The following SH3BP2 variants were observed in gnomAD, a reference collection of about 807,000 sequenced individuals.
The protein encoded by SH3BP2 is SH3 domain binding protein 2.
Under a neutral mutation model 56.2 loss-of-function variants are expected in SH3BP2, and 38 were observed. That is an observed-to-expected ratio of 0.68 (90% CI 0.52 to 0.89). The LOEUF is 0.89. Among genes scored for constraint, SH3BP2 ranks in the 40% least tolerant of loss-of-function variants. SH3BP2 has a pLI of 0.00. For synonymous variants in SH3BP2, 346 were observed against 316.7 expected (o/e 1.09, Z -0.98); for missense variants, 748 against 762.6 (o/e 0.98, Z 0.23).
Position 2,835,544 on chromosome 4 carries a change from C to T in SH3BP2, c.*1710C>T, listed in dbSNP as rs1036309114. On this transcript the variant is annotated 3_prime_UTR_variant, in exon 13 of 13. Transcript: ENST00000503393. ...TCCTCCCTGCAGTCAGAATTCTTTGCCCTGTCTGACCTGAACTTGCTTAGG... is the reference window on the plus strand; with the variant it reads ...TCCTCCCTGCAGTCAGAATTCTTTGTCCTGTCTGACCTGAACTTGCTTAGG... 2.0e-5 allele frequency: 3 copies of T among 152,240 alleles called. No individual in the cohort carries two copies. Among genetic ancestry groups the T allele is most frequent in the African/African-American group, 7.2e-5 (3 of 41,436 alleles). 9.4% of individuals were successfully genotyped at this position (152,240 alleles called of 1,614,324 possible). A position where few individuals can be genotyped will look rare whatever the true frequency, so the allele number is the denominator to read the frequency against.
At chr4:2,826,342 G>T (rs1173283363) in intron 5 of SH3BP2, 3 of 147,182 alleles carry the variant, frequency 2.0e-5, no homozygotes, top group Non-Finnish European at 4.0e-5. Flanking sequence ...GTGTTTGTGT[G>T]TGCATGTCTG....
intron 1 of SH3BP2, among the ~76,000 whole-genome samples, chr4:2,806,617 T>TCCAGCCCCACCTCACCCTCA (rs1338605277): frequency 5.3e-5 from 8 of 151,536 alleles, no homozygotes; most frequent in African/African-American, 1.9e-4. Flanking sequence ...CCTCACCGTC[T>TCCAGCCCCACCTCACCCTCA]CCAGCCCCAC....
At chr4:2,819,285 T>C (rs1419877698) in intron 1 of SH3BP2, among the ~76,000 whole-genome samples, 2 of 152,154 alleles carry the variant, frequency 1.3e-5, no homozygotes, top group African/African-American at 4.8e-5. Flanking sequence ...AGTGGTACGA[T>C]CATAGACCAC....
intron 1 of SH3BP2, among the ~76,000 whole-genome samples, chr4:2,808,556 CG>C (rs1019960227): frequency 2.0e-5 from 3 of 152,014 alleles, no homozygotes; most frequent in Non-Finnish European, 4.4e-5. Flanking sequence ...GTGCCCAGTC[CG>C]AGTTCCCGGG....
chr4:2,814,366 C>G (rs1001205770), intron 1 of SH3BP2, among the ~76,000 whole-genome samples: 4 of 152,298 alleles, frequency 2.6e-5, no homozygotes, highest in African/African-American at 9.6e-5. Flanking sequence ...TGCTCTGCCC[C>G]CCACCGCAGC....
At position 2,810,004 on chromosome 4, in the gene SH3BP2, C is replaced by T. The variant is rs1261920664; in HGVS notation, c.-4-10610C>T. 2.0e-5 allele frequency among the ~76,000 whole-genome samples: 3 copies of T among 152,220 alleles called. No homozygotes were observed. The highest frequency in any genetic ancestry group is 2.1e-4 in the South Asian group (1 of 4,834). The stretch of plus-strand genomic sequence containing the variant: ...CACACACCCCCTGCTTGGATGCAGG[C>T]GTGGGGTCATCTCCATGGTTACCGG... On this transcript the variant is annotated intron_variant, in intron 1 of 12. Transcript: ENST00000503393. The surrounding 1 kb of genome is among the most constrained non-coding windows in gnomAD (Gnocchi z 4.2).
In SH3BP2 at chr4:2,834,056, G is replaced by A. The variant is rs1279694977; in HGVS notation, c.*222G>A. 1 of 586,672 alleles carries A rather than the reference G, an allele frequency of 1.7e-6. No homozygotes were observed. 36.3% of individuals were successfully genotyped at this position (586,672 alleles called of 1,614,324 possible). ...CTCCAGAGGACGAAGGGACTCTGTT[G>A]CCCCACACTAACTTGCCCTGTCCCA... On this transcript the variant is annotated 3_prime_UTR_variant, in exon 13 of 13. Coordinates refer to ENST00000503393, the MANE Select transcript of SH3BP2 (RefSeq NM_001122681.2).
chr4:2,829,955 C>T lies in SH3BP2; in HGVS notation c.1049C>T (p.Pro350Leu), dbSNP rs762177276. Residue 350 changes from proline (P) to leucine (L), a missense_variant, in exon 8 of 13, where the codon CCA (proline) becomes CTA (leucine). Physicochemically the swap from Pro to Leu is moderately conservative, Grantham distance 98. Around this residue, in one of 3 missense-constraint regions of SH3BP2, gnomAD observed 635 missense variants for 615.0 expected, o/e 1.03. Coordinates refer to ENST00000503393, the MANE Select transcript of SH3BP2 (RefSeq NM_001122681.2). This position sits in a 1 kb window ranked among gnomAD's most constrained non-coding sequence, Gnocchi z 4.9. ...CGAGGACCACCCACATCTGAGCCCCCACCTGTGCCAGCCAACAAGCCCAAG... is the reference window on the plus strand; with the variant it reads ...CGAGGACCACCCACATCTGAGCCCCTACCTGTGCCAGCCAACAAGCCCAAG... ...SPRGPPTSEPPPVPANKPKFL... is the reference protein window; with the variant it reads ...SPRGPPTSEPLPVPANKPKFL... 6.2e-7 allele frequency: 1 copy of T among 1,613,564 alleles called. No individual in the cohort carries two copies. The highest frequency in any genetic ancestry group is 1.1e-5 in the South Asian group (1 of 91,082).
rs762813969 is a variant in SH3BP2, at chr4:2,829,920, C to T, written c.1014C>T (p.His338=). Residue 338 remains histidine, a synonymous_variant, in exon 8 of 13, where the codon CAC becomes CAT. Coordinates refer to ENST00000503393, the MANE Select transcript of SH3BP2 (RefSeq NM_001122681.2). The surrounding 1 kb of genome is among the most constrained non-coding windows in gnomAD (Gnocchi z 4.9). ...SRNCDKLKSF[H]LSPRGPPTSE... ...ACTGTGACAAACTCAAGTCCTTCCA[C>T]CTGTCCCCCCGAGGACCACCCACAT... 1.2e-6 allele frequency: 2 copies of T among 1,613,686 alleles called. No homozygotes were observed. The highest frequency in any genetic ancestry group is 1.7e-5 in the Admixed American group (1 of 60,016).
rs1349925847 is a variant in SH3BP2, at chr4:2,824,860, T to A, written c.357+130T>A. ...CTCAGCCCCGGGCAAAGAGAAGGTG[T>A]GGCTGGGACACAGGCAGCTGGGTGG... On this transcript the variant is annotated intron_variant, in intron 4 of 12. Coordinates refer to ENST00000503393, the MANE Select transcript of SH3BP2 (RefSeq NM_001122681.2). The A allele has an allele frequency of 5.2e-6, 4 of 772,570 alleles. No individual in the cohort carries two copies. In the African/African-American group the frequency reaches 6.8e-5, roughly 13 times the overall value. The allele number at this position is 772,570 out of a possible 1,614,324, so 47.9% of individuals were successfully genotyped here.
chr4:2,820,633 AT>A lies in SH3BP2; in HGVS notation c.17del (p.Met6SerfsTer7), dbSNP rs746804160. On this transcript the variant is annotated frameshift_variant, in exon 2 of 13. Transcript: ENST00000503393. LOFTEE classifies it high-confidence loss of function. Reference protein sequence around the residue: MAAEEMHWPVPMKAIG... With the variant: MAAEEXHWPVPMKAIG... ...TTGCAGCTTCATGGCGGCTGAAGAGATGCATTGGCCTGTCCCTATGAAGGCC... is the reference window on the plus strand; with the variant it reads ...TTGCAGCTTCATGGCGGCTGAAGAGAGCATTGGCCTGTCCCTATGAAGGCC... The A allele has an allele frequency of 8.1e-6, 13 of 1,614,106 alleles. No homozygotes were observed. The highest frequency in any genetic ancestry group is 1.1e-5 in the Non-Finnish European group (13 of 1,179,988).
chr4:2,805,727 T>C (rs1723507726), intron 1 of SH3BP2, among the ~76,000 whole-genome samples: 1 of 152,130 alleles, frequency 6.6e-6, no homozygotes, highest in Non-Finnish European at 1.5e-5. Flanking sequence ...TGCCGTGGAC[T>C]GAGCCTGTGT....
chr4:2,808,602 A>G (rs1222231309), intron 1 of SH3BP2, among the ~76,000 whole-genome samples: 1 of 152,090 alleles, frequency 6.6e-6, no homozygotes, highest in Non-Finnish European at 1.5e-5. Flanking sequence ...GACAGCAATC[A>G]GAATGGGGCA....
intron 1 of SH3BP2, among the ~76,000 whole-genome samples, chr4:2,802,442 G>GTGTA (rs761727747): frequency 7.4e-4 from 105 of 142,760 alleles, no homozygotes; most frequent in African/African-American, 2.7e-3. Context: ...GTGTGTGTGT[G>GTGTA]TATGTATATA....
chr4:2,797,133 G>A (rs1723092068), intron 1 of SH3BP2, among the ~76,000 whole-genome samples: 1 of 152,160 alleles, frequency 6.6e-6, no homozygotes, highest in African/African-American at 2.4e-5. Context: ...TGTGGCATTT[G>A]AGGGTCCTGG....
chr4:2,833,936 G>C lies in SH3BP2; in HGVS notation c.*102G>C. On this transcript the variant is annotated 3_prime_UTR_variant, in exon 13 of 13. Transcript: ENST00000503393. ...ACATGGGAGGGTGAGCAGGAGCAAG[G>C]CTGTGCTTGCCTAGGGCCTCTGTGA... 8.1e-6 allele frequency: 11 copies of C among 1,359,764 alleles called. No individual in the cohort carries two copies. Among genetic ancestry groups the C allele is most frequent in the East Asian group, 2.5e-5 (1 of 39,728 alleles). 84.2% of individuals were successfully genotyped at this position (1,359,764 alleles called of 1,614,324 possible).
Position 2,824,728 on chromosome 4 carries a change from A to G in SH3BP2, c.355A>G (p.Lys119Glu), listed in dbSNP as rs746874027. The change falls in exon 4 of 13, where the codon AAG (lysine) becomes GAG (glutamate). Residue 119 changes from lysine (K) to glutamate (E), a missense_variant and splice_region_variant. This residue lies in a region of SH3BP2 where 635 missense variants were observed against 615.0 expected (regional missense o/e 1.03). Transcript: ENST00000503393. ...CTCGGCCTCCTCCGAGGAGGAGCGC[A>G]AGGTGACTGGGGGTCCGAGGACGAG... ...FFSASSEEER[K>E]SWMALLRREI... 3.7e-6 allele frequency: 6 copies of G among 1,606,518 alleles called. No individual in the cohort carries two copies. The highest frequency in any genetic ancestry group is 5.1e-6 in the Non-Finnish European group (6 of 1,173,400).
At chr4:2,818,552 C>T (rs1315422553) in intron 1 of SH3BP2, among the ~76,000 whole-genome samples, 1 of 152,206 alleles carries the variant, frequency 6.6e-6, no homozygotes, top group Non-Finnish European at 1.5e-5. Flanking sequence ...ACCGTCCCGG[C>T]GGGCGGATGG....
intron 5 of SH3BP2, chr4:2,826,889 G>C (rs1724679605): frequency 3.9e-6 from 2 of 518,798 alleles, no homozygotes; most frequent in Admixed American, 2.3e-5. Context: ...GTCTGCGCGT[G>C]TCCCTGTGTC....
Sources: gnomAD v4.1 joint callset for allele counts (sites outside exome capture counted in the v4.1 genomes callset) on GRCh38, gnomAD v4.1.1 for gene constraint, gnomAD v4.1.1 regional missense constraint, Gnocchi (gnomAD v3.1) non-coding constraint, MANE v1.5 for transcripts, NCBI Gene and HGNC (gene_info 2026-07-23, HGNC 2026-07-21) for gene names.